ERC1: variants seen among roughly 807,000 people sequenced by gnomAD.
ERC1 encodes ELKS/RAB6-interacting/CAST family member 1, also known as RAB6 interacting protein 2.
Under a neutral mutation model 132.0 loss-of-function variants are expected in ERC1, and 56 were observed. That is an observed-to-expected ratio of 0.42 (90% CI 0.34 to 0.53). The LOEUF is 0.53. Among genes scored for constraint, ERC1 ranks in the 20% least tolerant of loss-of-function variants. The pLI, the probability that ERC1 is intolerant of heterozygous loss-of-function variation, is 0.03. For missense variants in ERC1, 1,202 were observed against 1,349.9 expected (o/e 0.89, Z 1.72); for synonymous variants, 478 against 476.1 (o/e 1.00, Z -0.05).
At chr12:1,049,747 C>A (rs199671957) in intron 2 of ERC1, among the ~76,000 whole-genome samples, 2 of 113,010 alleles carry the variant, frequency 1.8e-5, no homozygotes, top group South Asian at 3.0e-4. Flanking sequence ...GTTTTGTGAT[C>A]TTTTTTTTTT....
chr12:1,352,941 T>C (rs746691367), intron 15 of ERC1, among the ~76,000 whole-genome samples: 2 of 152,148 alleles, frequency 1.3e-5, no homozygotes, highest in African/African-American at 2.4e-5. Context: ...TGAGTGTGAT[T>C]TAGGCATGTA....
At chr12:1,242,451 T>A (rs1015692785) in intron 13 of ERC1, among the ~76,000 whole-genome samples, 3 of 152,120 alleles carry the variant, frequency 2.0e-5, no homozygotes, top group Non-Finnish European at 4.4e-5. Flanking sequence ...ATATCCAGAT[T>A]ACAACCAAAT....
At chr12:1,433,668 C>T (rs765204267) in intron 17 of ERC1, among the ~76,000 whole-genome samples, 5 of 152,172 alleles carry the variant, frequency 3.3e-5, no homozygotes, top group Non-Finnish European at 5.9e-5. Flanking sequence ...ATTGCTTAAA[C>T]GAACAAGATG....
At chr12:1,462,046 A>G (rs1354036317) in intron 18 of ERC1, among the ~76,000 whole-genome samples, 5 of 152,228 alleles carry the variant, frequency 3.3e-5, no homozygotes, top group African/African-American at 9.6e-5. Flanking sequence ...TTAAAACAAC[A>G]TAAGTTTTTA....
chr12:1,365,054 G>A (rs1030180249), intron 15 of ERC1, among the ~76,000 whole-genome samples: 1 of 152,106 alleles, frequency 6.6e-6, no homozygotes, highest in African/African-American at 2.4e-5. Context: ...AGAAATGATT[G>A]TGCTATGTTA....
intron 12 of ERC1, among the ~76,000 whole-genome samples, chr12:1,217,209 G>A (rs912952205): frequency 2.0e-5 from 3 of 152,142 alleles, no homozygotes; most frequent in South Asian, 2.1e-4. Context: ...CCAAGCCTGC[G>A]TTTTAAGGCA....
chr12:1,125,064 G>A (rs1182815202), intron 7 of ERC1, among the ~76,000 whole-genome samples: 8 of 151,418 alleles, frequency 5.3e-5, no homozygotes, highest in Admixed American at 4.6e-4. Context: ...GCACAATCTT[G>A]GCTCACTGCA....
chr12:1,221,933 A>G (rs970124627), intron 12 of ERC1, among the ~76,000 whole-genome samples: 51 of 152,212 alleles, frequency 3.4e-4, no homozygotes, highest in African/African-American at 1.2e-3. Context: ...ATGTGGTATC[A>G]TTGTACAAAT....
intron 17 of ERC1, among the ~76,000 whole-genome samples, chr12:1,423,350 G>A (rs1019742179): frequency 6.6e-6 from 1 of 152,156 alleles, no homozygotes; most frequent in Admixed American, 6.5e-5. Context: ...TTAACGAATT[G>A]TTGTCTGCTC....
At chr12:1,394,023 AAAAAAAAAAAC>A (rs1171819093) in intron 16 of ERC1, among the ~76,000 whole-genome samples, 2 of 106,056 alleles carry the variant, frequency 1.9e-5, no homozygotes, top group East Asian at 2.1e-4. Flanking sequence ...CTCAAAAAAA[AAAAAAAAAAAC>A]AAAAAAAAAA....
chr12:1,338,767 A>G (rs1245326150), intron 15 of ERC1, among the ~76,000 whole-genome samples: 1 of 151,828 alleles, frequency 6.6e-6, no homozygotes, highest in Admixed American at 6.6e-5. Context: ...TGATTGTGGT[A>G]TAAGGTGGAT....
Position 1,490,461 on chromosome 12 carries a change from G to A in ERC1, c.*231G>A, listed in dbSNP as rs547325168. ...CTTCTTGATGTCCAGGGTAGATAAA[G>A]GGTCGAATCTCTCTGAAGAACTGCC... On this transcript the variant is annotated 3_prime_UTR_variant, in exon 19 of 19. Coordinates refer to ENST00000360905, the MANE Select transcript of ERC1 (RefSeq NM_178040.4). The A allele has an allele frequency of 6.2e-6, 3 of 486,528 alleles. No homozygotes were observed. The South Asian group carries it at 1.0e-4, about 17-fold the overall frequency. The allele number at this position is 486,528 out of a possible 1,614,324, so 30.1% of individuals were successfully genotyped here.
intron 1 of ERC1, among the ~76,000 whole-genome samples, chr12:1,016,947 G>A (rs767938372): frequency 2.0e-5 from 3 of 151,698 alleles, no homozygotes; most frequent in East Asian, 1.9e-4. Flanking sequence ...CACCGTGCCC[G>A]GCTTCAGTGC....
At chr12:1,293,925 G>C (rs577945919) in intron 15 of ERC1, among the ~76,000 whole-genome samples, 33 of 152,080 alleles carry the variant, frequency 2.2e-4, no homozygotes, top group Non-Finnish European at 4.1e-4. Flanking sequence ...CAATGGGCTA[G>C]AATACTGAGG....
chr12:1,225,606 T>C (rs1193502966), intron 12 of ERC1, among the ~76,000 whole-genome samples: 4 of 152,198 alleles, frequency 2.6e-5, no homozygotes, highest in Non-Finnish European at 4.4e-5. Flanking sequence ...AGTAGGATTT[T>C]TAAAATCACT....
Position 1,081,436 on chromosome 12 carries a change from G to A in ERC1, c.670-1728G>A, listed in dbSNP as rs182208186. On this transcript the variant is annotated intron_variant, in intron 2 of 18. Transcript: ENST00000360905. ...ATTATCTTTGGGTATTACCAGTTTT[G>A]ATTTCTGCAATCTGCTCTGTTTTTG... 1.4e-3 allele frequency among the ~76,000 whole-genome samples: 217 copies of A among 152,234 alleles called. 4 individuals are homozygous for A. The highest frequency in any genetic ancestry group is 0.011 in the Admixed American group (167 of 15,284).
chr12:1,159,974 T>C (rs575941191), intron 8 of ERC1, among the ~76,000 whole-genome samples: 10 of 152,346 alleles, frequency 6.6e-5, no homozygotes, highest in Admixed American at 2.0e-4. Context: ...ACTCAGGATA[T>C]GAGGTATCAA....
intron 7 of ERC1, among the ~76,000 whole-genome samples, chr12:1,138,312 TA>T (rs1949547310): frequency 1.4e-5 from 2 of 139,932 alleles, no homozygotes; most frequent in African/African-American, 5.3e-5. Flanking sequence ...ATGTTGTATA[TA>T]ATACATATGT....
chr12:1,301,462 A>T (rs2080395789), intron 15 of ERC1, among the ~76,000 whole-genome samples: 2 of 152,228 alleles, frequency 1.3e-5, no homozygotes, highest in South Asian at 4.1e-4. Context: ...TAGTGCCCAT[A>T]CACCATGGAA....
Sources: gnomAD v4.1 joint callset for allele counts (sites outside exome capture counted in the v4.1 genomes callset) on GRCh38, gnomAD v4.1.1 for gene constraint, MANE v1.5 for transcripts, NCBI Gene and HGNC (gene_info 2026-07-23, HGNC 2026-07-21) for gene names.